Variants in SKA1 observed in about 807,000 individuals in gnomAD.
The protein encoded by SKA1 is spindle and kinetochore associated complex subunit 1.
Under a neutral mutation model 31.8 loss-of-function variants are expected in SKA1, and 20 were observed. That is an observed-to-expected ratio of 0.63 (90% CI 0.44 to 0.91). The LOEUF is 0.91. SKA1 is among the 40% of genes least tolerant of loss of function. The probability of loss-of-function intolerance (pLI) is 0.00; values close to 1 mark genes in which losing one functional copy is unlikely to be tolerated. For missense variants in SKA1, 253 were observed against 298.2 expected, an observed-to-expected ratio of 0.85 and a Z score of 1.12; for synonymous variants, 88 against 100.5, an observed-to-expected ratio of 0.88 and a Z score of 0.74.
At chr18:50,391,390 GT>G in intron 6 of SKA1, 97 bp downstream of exon 6, 1 of 1,181,826 alleles carries the variant, frequency 8.5e-7, no homozygotes, top group South Asian at 2.4e-5. Context: ...TAAATCTAGA[GT>G]GTTAATTCCC....
At chr18:50,378,047 C>G (rs549440381) in intron 2 of SKA1, among the ~76,000 whole-genome samples, 1 of 152,280 alleles carries the variant, frequency 6.6e-6, no homozygotes, top group African/African-American at 2.4e-5. Flanking sequence ...TCTTGATTCC[C>G]ATGTTAGTAC....
chr18:50,377,233 C>T (rs943620680), intron 2 of SKA1, among the ~76,000 whole-genome samples: 1 of 152,084 alleles, frequency 6.6e-6, no homozygotes, highest in Non-Finnish European at 1.5e-5. Flanking sequence ...GTGAATAATG[C>T]ATTGTACCAT....
intron 5 of SKA1, among the ~76,000 whole-genome samples, chr18:50,387,031 G>C (rs571045636): frequency 6.6e-6 from 1 of 152,214 alleles, no homozygotes; most frequent in South Asian, 2.1e-4. Flanking sequence ...AACTCATTTG[G>C]GTAAATACTT....
In SKA1 at chr18:50,375,077, C is replaced by G. The variant is rs1274639341; in HGVS notation, c.-129C>G. 1 of 152,400 alleles carries G rather than the reference C, an allele frequency of 6.6e-6. No individual in the cohort carries two copies. Among genetic ancestry groups the G allele is most frequent in the Admixed American group, 6.5e-5 (1 of 15,294 alleles). The allele number at this position is 152,400 out of a possible 1,614,324, so 9.4% of individuals were successfully genotyped here. On this transcript the variant is annotated 5_prime_UTR_variant, in exon 1 of 7. Transcript: ENST00000285116. ...CTGCGCTGCGCTAGGGCGCGGCGGG[C>G]GGTTTGAATTTTGCTTACAGAGTCC...
Position 50,391,158 on chromosome 18 carries a change from A to G in SKA1, c.484A>G (p.Asn162Asp). Residue 162 changes from asparagine to aspartate, a missense_variant, in exon 6 of 7, where the codon AAT becomes GAT. Coordinates refer to ENST00000285116, the MANE Select transcript of SKA1 (RefSeq NM_145060.4). ...MKSRLTYNQI[N>D]DVIKEINKAV... ...ATCCCGCTTAACCTATAATCAAATT[A>G]ATGATGTTATTAAAGAAATCAACAA... 1 of 1,574,210 alleles carries G rather than the reference A, an allele frequency of 6.4e-7. No homozygotes were observed. Among genetic ancestry groups the G allele is most frequent in the Non-Finnish European group, 8.6e-7 (1 of 1,160,418 alleles).
chr18:50,389,375 CTTTTTTTTTTTTT>C (rs756288352), intron 5 of SKA1, among the ~76,000 whole-genome samples: 6 of 86,138 alleles, frequency 7.0e-5, no homozygotes, highest in Admixed American at 4.5e-4. Flanking sequence ...CTTTACCTTT[CTTTTTTTTTTTTT>C]TTTTTTTTTT....
intron 2 of SKA1, 92 bp from the exon 3 acceptor site, chr18:50,380,034 G>A (rs1009253748): frequency 6.4e-6 from 7 of 1,099,398 alleles, no homozygotes; most frequent in Admixed American, 3.1e-5. Flanking sequence ...CCTCTCTAAG[G>A]TACAGCTATC....
At chr18:50,378,238 C>CT in intron 2 of SKA1, among the ~76,000 whole-genome samples, 1 of 152,254 alleles carries the variant, frequency 6.6e-6, no homozygotes, top group Middle Eastern at 3.4e-3. Context: ...AAGCATAGGC[C>CT]TGGCTGAAGC....
At chr18:50,377,464 A>G (rs4939979) in intron 2 of SKA1, among the ~76,000 whole-genome samples, 5,589 of 152,332 alleles carry the variant, frequency 0.037, 321 homozygotes, top group African/African-American at 0.12. Context: ...TTATTACTCT[A>G]TATCACTGGG....
Position 50,380,118 on chromosome 18 carries a change from TA to T in SKA1, c.89-7del, listed in dbSNP as rs781158131. 6.6e-7 allele frequency: 1 copy of T among 1,506,450 alleles called. No homozygotes were observed. The highest frequency in any genetic ancestry group is 2.6e-5 in the East Asian group (1 of 39,072). The allele number at this position is 1,506,450 out of a possible 1,614,324, so 93.3% of individuals were successfully genotyped here. On this transcript the variant is annotated splice_polypyrimidine_tract_variant and splice_region_variant and intron_variant, in intron 2 of 6. Coordinates refer to ENST00000285116, the MANE Select transcript of SKA1 (RefSeq NM_145060.4). Reference sequence around the variant, plus strand: ...CTTTGTTTTCTATTTTATTTTTGTTTATAACAGGCCAGGAACCTACCTTGAA... The same window carrying T: ...CTTTGTTTTCTATTTTATTTTTGTTTTAACAGGCCAGGAACCTACCTTGAA...
chr18:50,391,727 C>CTTGTA (rs1260289856), intron 6 of SKA1, among the ~76,000 whole-genome samples: 1 of 152,040 alleles, frequency 6.6e-6, no homozygotes, highest in East Asian at 1.9e-4. Context: ...ATCCTTACAA[C>CTTGTA]ACCCGTATCA....
intron 3 of SKA1, 42 bp downstream of exon 3, chr18:50,380,292 A>G (rs775192572): frequency 3.3e-6 from 5 of 1,509,150 alleles, no homozygotes; most frequent in Middle Eastern, 1.7e-4. Context: ...AAGACAATAC[A>G]TACAAACTCC....
In SKA1 at chr18:50,387,616, A is replaced by G. The variant is rs564828923; in HGVS notation, c.449+2263A>G. Among the ~76,000 whole-genome samples, 25 of 152,198 alleles carry G rather than the reference A, an allele frequency of 1.6e-4. No individual in the cohort carries two copies. The South Asian group carries it at 2.9e-3, about 18-fold the overall frequency. ...TGACGTTATCTATTGATGTATCTTC[A>G]AGTTCGCTGATTCTTTCTTTAGCTG... On this transcript the variant is annotated intron_variant, in intron 5 of 6. Coordinates refer to ENST00000285116, the MANE Select transcript of SKA1 (RefSeq NM_145060.4).
chr18:50,392,799 G>A lies in SKA1; in HGVS notation c.*552G>A, dbSNP rs1400295869. ...GGCCGGACTGCAGCGGCGCTATCTC[G>A]GCTCACTGCAAACTCTGCCTCCCAG... On this transcript the variant is annotated 3_prime_UTR_variant, in exon 7 of 7. Transcript: ENST00000285116. 3 of 148,304 alleles carry A rather than the reference G, an allele frequency of 2.0e-5. No homozygotes were observed. The highest frequency in any genetic ancestry group is 3.0e-5 in the Non-Finnish European group (2 of 67,476). The allele number at this position is 148,304 out of a possible 1,614,324, so 9.2% of individuals were successfully genotyped here.
intron 3 of SKA1, among the ~76,000 whole-genome samples, 181 bp downstream of exon 3, chr18:50,380,431 A>C (rs1456441702): frequency 6.6e-6 from 1 of 152,238 alleles, no homozygotes; most frequent in Non-Finnish European, 1.5e-5. Context: ...CACAGCTGCT[A>C]CTTTCTGCTG....
intron 5 of SKA1, among the ~76,000 whole-genome samples, chr18:50,388,355 G>A (rs1205178295): frequency 6.6e-6 from 1 of 152,196 alleles, no homozygotes; most frequent in East Asian, 1.9e-4. Flanking sequence ...CTCCCAAAGT[G>A]CTGGGATTAC....
chr18:50,386,059 A>G (rs893002093), intron 5 of SKA1, among the ~76,000 whole-genome samples: 3 of 152,190 alleles, frequency 2.0e-5, no homozygotes, highest in African/African-American at 7.2e-5. Flanking sequence ...TCCAGATTTT[A>G]TTTGACTATA....
intron 5 of SKA1, among the ~76,000 whole-genome samples, chr18:50,388,634 G>A (rs1177300872): frequency 1.3e-5 from 2 of 152,100 alleles, no homozygotes; most frequent in Admixed American, 1.3e-4. Context: ...TAGCTAGACG[G>A]GGCTGAAATC....
rs1205853332 is a variant in SKA1, at chr18:50,391,312, T to C, written c.619+19T>C. 1.3e-6 allele frequency: 2 copies of C among 1,556,802 alleles called. No homozygotes were observed. The highest frequency in any genetic ancestry group is 1.7e-6 in the Non-Finnish European group (2 of 1,157,370). On this transcript the variant is annotated intron_variant, in intron 6 of 6. Transcript: ENST00000285116. ...ACCAAAGGTAAAATGGCAGCATATA[T>C]GTGTGTACATGTGAACTGTTCAGAG... is the stretch of plus-strand genomic sequence containing the variant.
Sources: allele counts gnomAD v4.1 joint callset (sites outside exome capture counted in the v4.1 genomes callset), GRCh38; gene constraint gnomAD v4.1.1; transcripts MANE v1.5; gene names NCBI Gene and HGNC (gene_info 2026-07-23, HGNC 2026-07-21).